The following USP6NL variants were observed in gnomAD, a reference collection of about 807,000 sequenced individuals.
The protein encoded by USP6NL is USP6 N-terminal-like protein.
In USP6NL, 26 loss-of-function variants were observed where a neutral mutation model predicts 61.9. The observed-to-expected ratio is 0.42, with a 90% CI of 0.31 to 0.58. The LOEUF is 0.58. USP6NL is among the 20% of genes least tolerant of loss of function. The pLI, the probability that USP6NL is intolerant of heterozygous loss-of-function variation, is 0.16. For missense variants in USP6NL, 1,114 were observed against 1,034.3 expected (o/e 1.08, Z -1.06); for synonymous variants, 432 against 390.1 (o/e 1.11, Z -1.27).
At chr10:11,555,434 ATAT>A (rs1409563475) in intron 2 of USP6NL, among the ~76,000 whole-genome samples, 6 of 58,886 alleles carry the variant, frequency 1.0e-4, no homozygotes, top group East Asian at 8.0e-4. Context: ...AAAAAAAAAA[ATAT>A]ATATATATAT....
intron 6 of USP6NL, among the ~76,000 whole-genome samples, chr10:11,507,230 A>T (rs1834489878): frequency 6.6e-6 from 1 of 152,246 alleles, no homozygotes; most frequent in South Asian, 2.1e-4. Flanking sequence ...TTTTATTAGA[A>T]TGAATGTGAG....
intron 5 of USP6NL, among the ~76,000 whole-genome samples, chr10:11,515,994 G>C (rs1834941010): frequency 1.3e-5 from 2 of 152,110 alleles, no homozygotes; most frequent in Non-Finnish European, 2.9e-5. Context: ...AGGGATAGCT[G>C]AATCTATGAA....
At position 11,598,241 on chromosome 10, in the gene USP6NL, G is replaced by C. The variant is rs1042269027; in HGVS notation, c.-83-524C>G. Among the ~76,000 whole-genome samples the C allele has an allele frequency of 3.3e-5, 5 of 152,020 alleles. No individual in the cohort carries two copies. Among genetic ancestry groups the C allele is most frequent in the Middle Eastern group, 6.4e-3 (2 of 314 alleles). ...TTAAAAACAAAAAGAATAACAATAA[G>C]GTAAACTTCTCTCATAACATATTAC... On this transcript the variant is annotated intron_variant, in intron 1 of 14. Coordinates refer to ENST00000609104, the MANE Select transcript of USP6NL (RefSeq NM_014688.5). This position sits in a 1 kb window ranked among gnomAD's most constrained non-coding sequence, Gnocchi z 4.7.
rs1838419877 is a variant in USP6NL, at chr10:11,598,969, T to A, written c.-83-1252A>T. On this transcript the variant is annotated intron_variant, in intron 1 of 14. Coordinates refer to ENST00000609104, the MANE Select transcript of USP6NL (RefSeq NM_014688.5). The surrounding 1 kb of genome is among the most constrained non-coding windows in gnomAD (Gnocchi z 4.7). Reference sequence around the variant, plus strand: ...CCCAACCCACATGCTTTCCTCTTTATCTGTCCACTTAAATGATTTCCATTT... The same window carrying A: ...CCCAACCCACATGCTTTCCTCTTTAACTGTCCACTTAAATGATTTCCATTT... Among the ~76,000 whole-genome samples, 1 of 152,234 alleles carries A rather than the reference T, an allele frequency of 6.6e-6. No individual in the cohort carries two copies. Among genetic ancestry groups the A allele is most frequent in the African/African-American group, 2.4e-5 (1 of 41,470 alleles).
In USP6NL at chr10:11,475,222, T is replaced by A. The variant is rs575144219; in HGVS notation, c.1078+6548A>T. Among the ~76,000 whole-genome samples the A allele has an allele frequency of 6.7e-5, 10 of 150,170 alleles. No homozygotes were observed. The South Asian group carries it at 2.1e-3, about 32-fold the overall frequency. On this transcript the variant is annotated intron_variant, in intron 14 of 14. Transcript: ENST00000609104. Reference sequence around the variant, plus strand: ...TGCCTTTTCAGTACTAACTACATTTTAAGGTAACCAAAGAGTTACATTTAA... The same window carrying A: ...TGCCTTTTCAGTACTAACTACATTTAAAGGTAACCAAAGAGTTACATTTAA...
rs1260124908 is a variant in USP6NL at position 11,462,573 on chromosome 10, G to A, written c.2355C>T (p.Pro785=). ...HGLPAVSVDS[P]VRYKASPAAE... ...CGGCCGGTGAAGCTTTATATCTCAC[G>A]GGACTATCTACAGAAACTGCAGGGA... Residue 785 remains proline (P), a synonymous_variant, in exon 15 of 15, where the codon CCC becomes CCT. Transcript: ENST00000609104. 5 of 1,613,952 alleles carry A rather than the reference G, an allele frequency of 3.1e-6. No homozygotes were observed. The highest frequency in any genetic ancestry group is 2.2e-5 in the East Asian group (1 of 44,878).
At chr10:11,552,722 C>T (rs1836541241) in intron 2 of USP6NL, among the ~76,000 whole-genome samples, 1 of 152,192 alleles carries the variant, frequency 6.6e-6, no homozygotes, top group African/African-American at 2.4e-5. Context: ...GGTAATGAAA[C>T]ACTTATTTCC....
Position 11,478,970 on chromosome 10 carries a change from TG to T in USP6NL, c.1078+2799del, listed in dbSNP as rs1833078383. On this transcript the variant is annotated intron_variant, in intron 14 of 14. Transcript: ENST00000609104. The surrounding 1 kb of genome is among the most constrained non-coding windows in gnomAD (Gnocchi z 6.8). ...AACAGAATAGAGTGCCAAAATGTAA[TG>T]TAATAAATGCCACTAATCCACATGA... is the stretch of plus-strand genomic sequence containing the variant. Among the ~76,000 whole-genome samples the T allele has an allele frequency of 7.0e-6, 1 of 143,458 alleles. No individual in the cohort carries two copies. Among genetic ancestry groups the T allele is most frequent in the Non-Finnish European group, 1.6e-5 (1 of 63,272 alleles). The allele number at this position is 143,458 out of a possible 152,430, so 94.1% of individuals were successfully genotyped here. A position where few individuals can be genotyped will look rare whatever the true frequency, so the allele number is the denominator to read the frequency against.
intron 2 of USP6NL, among the ~76,000 whole-genome samples, chr10:11,593,285 G>T (rs773266974): frequency 1.3e-5 from 2 of 152,074 alleles, no homozygotes; most frequent in Non-Finnish European, 2.9e-5. Flanking sequence ...TTTACTTAAA[G>T]CTTTGGAAAA....
Position 11,510,483 on chromosome 10 carries a change from G to C in USP6NL, c.196-808C>G, listed in dbSNP as rs1393301704. 6.6e-6 allele frequency among the ~76,000 whole-genome samples: 1 copy of C among 152,136 alleles called. No homozygotes were observed. Among genetic ancestry groups the C allele is most frequent in the African/African-American group, 2.4e-5 (1 of 41,420 alleles). On this transcript the variant is annotated intron_variant, in intron 5 of 14. Transcript: ENST00000609104. The surrounding 1 kb of genome is among the most constrained non-coding windows in gnomAD (Gnocchi z 4.8). Reference sequence around the variant, plus strand: ...TTTACAAAAAAGCATCAGGACACCAGGCTGCCAAAGTTGGGAGAAGTCTCT... The same window carrying C: ...TTTACAAAAAAGCATCAGGACACCACGCTGCCAAAGTTGGGAGAAGTCTCT...
At chr10:11,568,149 TTGTGTG>T (rs35053647) in intron 2 of USP6NL, among the ~76,000 whole-genome samples, 106 of 149,706 alleles carry the variant, frequency 7.1e-4, no homozygotes, top group East Asian at 4.5e-3. Context: ...CGGGAGGTAG[TTGTGTG>T]TGTGTGTGTG....
At chr10:11,471,943 T>C (rs1832770041) in intron 14 of USP6NL, among the ~76,000 whole-genome samples, 3 of 150,844 alleles carry the variant, frequency 2.0e-5, no homozygotes, top group East Asian at 3.9e-4. Flanking sequence ...ACCTGCACAT[T>C]GTGCACATGT....
chr10:11,570,826 A>G (rs543302238), intron 2 of USP6NL, among the ~76,000 whole-genome samples: 91 of 152,214 alleles, frequency 6.0e-4, no homozygotes, highest in African/African-American at 2.2e-3. Context: ...GCTAATGAGG[A>G]CATTTGAAGG....
At position 11,462,815 on chromosome 10, in the gene USP6NL, T is replaced by C. The variant is rs1478901097; in HGVS notation, c.2113A>G (p.Thr705Ala). Residue 705 changes from threonine to alanine, a missense_variant, in exon 15 of 15, where the codon ACT becomes GCT. Physicochemically the swap from Thr to Ala is moderately conservative, Grantham distance 58. Coordinates refer to ENST00000609104, the MANE Select transcript of USP6NL (RefSeq NM_014688.5). ...TTGCCCGAATATCCCCCAGCACCAGTGTCAACAGGGAGGACTTCTATTCGA... is the reference window on the plus strand; with the variant it reads ...TTGCCCGAATATCCCCCAGCACCAGCGTCAACAGGGAGGACTTCTATTCGA... ...SSRIEVLPVD[T>A]GAGGYSGNSG... The C allele has an allele frequency of 3.1e-6, 5 of 1,613,986 alleles. No individual in the cohort carries two copies. In the Admixed American group the frequency reaches 8.3e-5, roughly 27 times the overall value.
chr10:11,477,026 C>G (rs1443814317), intron 14 of USP6NL, among the ~76,000 whole-genome samples: 1 of 152,142 alleles, frequency 6.6e-6, no homozygotes, highest in Admixed American at 6.5e-5. Flanking sequence ...CACCTGCCAC[C>G]ACGCCCCGCT....
chr10:11,471,980 A>G (rs1402719953), intron 14 of USP6NL, among the ~76,000 whole-genome samples: 2 of 151,172 alleles, frequency 1.3e-5, no homozygotes, highest in African/African-American at 4.9e-5. Context: ...AAAAAAAAAA[A>G]GACTTACTGC....
At chr10:11,536,443 C>G (rs1324072609) in intron 2 of USP6NL, among the ~76,000 whole-genome samples, 1 of 152,172 alleles carries the variant, frequency 6.6e-6, no homozygotes, top group Non-Finnish European at 1.5e-5. Flanking sequence ...TAGCTGCCTC[C>G]CCCATTATCT....
chr10:11,492,465 G>A (rs1251409878), intron 8 of USP6NL, among the ~76,000 whole-genome samples: 1 of 152,178 alleles, frequency 6.6e-6, no homozygotes, highest in African/African-American at 2.4e-5. Flanking sequence ...GCAGATTTGA[G>A]GTTTCCCTGA....
intron 3 of USP6NL, among the ~76,000 whole-genome samples, chr10:11,526,977 T>C (rs952028689): frequency 6.6e-6 from 1 of 152,176 alleles, no homozygotes; most frequent in Non-Finnish European, 1.5e-5. Flanking sequence ...TGTAATTCCA[T>C]ATACTTAACT....
Sources: gnomAD v4.1 joint callset for allele counts (sites outside exome capture counted in the v4.1 genomes callset) on GRCh38, gnomAD v4.1.1 for gene constraint, Gnocchi (gnomAD v3.1) non-coding constraint, MANE v1.5 for transcripts, NCBI Gene and HGNC (gene_info 2026-07-23, HGNC 2026-07-21) for gene names.